FOXJ3: variants seen among roughly 807,000 people sequenced by gnomAD.
FOXJ3 encodes forkhead box J3, also known as forkhead box protein J3.
Under a neutral mutation model 76.1 loss-of-function variants are expected in FOXJ3, and 22 were observed. The observed-to-expected ratio is 0.29, with a 90% CI of 0.21 to 0.41. FOXJ3 has a LOEUF of 0.41. Ranked by LOEUF, FOXJ3 falls within the 10% of genes least tolerant of loss-of-function variation. FOXJ3 has a pLI of 1.00. For missense variants in FOXJ3, 613 were observed against 762.1 expected, an observed-to-expected ratio of 0.80 and a Z score of 2.30; for synonymous variants, 269 against 261.2, an observed-to-expected ratio of 1.03 and a Z score of -0.29.
intron 5 of FOXJ3, among the ~76,000 whole-genome samples, chr1:42,226,663 A>G (rs893114829): frequency 6.6e-6 from 1 of 152,224 alleles, no homozygotes; most frequent in Non-Finnish European, 1.5e-5. Context: ...CACCAATACT[A>G]AACTTTAACT....
intron 4 of FOXJ3, among the ~76,000 whole-genome samples, chr1:42,246,983 T>C (rs1649606261): frequency 6.6e-6 from 1 of 152,110 alleles, no homozygotes; most frequent in African/African-American, 2.4e-5. Context: ...GTTAATCTCA[T>C]GGAGGTAAAG....
At chr1:42,314,118 T>C (rs1161498980) in intron 1 of FOXJ3, among the ~76,000 whole-genome samples, 2 of 152,202 alleles carry the variant, frequency 1.3e-5, no homozygotes, top group Non-Finnish European at 2.9e-5. Context: ...TAATTTTTTT[T>C]CCAACTCTTA....
intron 4 of FOXJ3, among the ~76,000 whole-genome samples, chr1:42,250,051 G>A (rs1649894639): frequency 1.3e-5 from 2 of 152,152 alleles, no homozygotes; most frequent in Admixed American, 6.5e-5. Context: ...GCTGGAGCCT[G>A]GACTTGAAAA....
At chr1:42,259,432 G>GA (rs1041578557) in intron 4 of FOXJ3, among the ~76,000 whole-genome samples, 15 of 151,894 alleles carry the variant, frequency 9.9e-5, no homozygotes, top group Non-Finnish European at 1.8e-4. Context: ...ATCTGGAAAA[G>GA]AAAAAAGAGG....
chr1:42,232,871 T>C (rs1403365032), intron 4 of FOXJ3, among the ~76,000 whole-genome samples: 1 of 152,248 alleles, frequency 6.6e-6, no homozygotes, highest in Non-Finnish European at 1.5e-5. Flanking sequence ...CCTTTGCCCA[T>C]GCCAATGTCC....
At chr1:42,210,136 G>A (rs146056824) in intron 5 of FOXJ3, among the ~76,000 whole-genome samples, 15 of 152,148 alleles carry the variant, frequency 9.9e-5, no homozygotes, top group Non-Finnish European at 2.9e-5. Flanking sequence ...TGCTACACCC[G>A]ATGCCCCATG....
intron 2 of FOXJ3, among the ~76,000 whole-genome samples, chr1:42,291,079 T>TAGACAGAC (rs56772390): frequency 0.034 from 4,221 of 125,350 alleles, 82 homozygotes; most frequent in African/African-American, 0.042. Flanking sequence ...GATAGATAGA[T>TAGACAGAC]AGATAGACAG....
At chr1:42,261,936 A>G (rs762126759) in intron 4 of FOXJ3, among the ~76,000 whole-genome samples, 2 of 152,222 alleles carry the variant, frequency 1.3e-5, no homozygotes, top group Non-Finnish European at 2.9e-5. Flanking sequence ...AGGAAGACTG[A>G]TATCATGGAA....
At chr1:42,242,830 C>A (rs1485088712) in intron 4 of FOXJ3, among the ~76,000 whole-genome samples, 1 of 152,152 alleles carries the variant, frequency 6.6e-6, no homozygotes, top group African/African-American at 2.4e-5. Flanking sequence ...ATTTAGACAT[C>A]CAGATACAGG....
chr1:42,264,107 A>G (rs1428296007), intron 4 of FOXJ3, among the ~76,000 whole-genome samples: 1 of 152,080 alleles, frequency 6.6e-6, no homozygotes, highest in Non-Finnish European at 1.5e-5. Flanking sequence ...CAGCTGAAGT[A>G]TGGGGAAACA....
intron 7 of FOXJ3, 80 bp downstream of exon 7, chr1:42,199,022 A>G: frequency 8.6e-7 from 1 of 1,156,680 alleles, no homozygotes; most frequent in South Asian, 1.6e-5. Flanking sequence ...TCATTTTTAA[A>G]TTTGCATTTC....
intron 2 of FOXJ3, among the ~76,000 whole-genome samples, chr1:42,291,960 A>C (rs999049236): frequency 2.6e-5 from 4 of 152,154 alleles, no homozygotes; most frequent in African/African-American, 9.7e-5. Flanking sequence ...TGGGGCCAGG[A>C]GGACGGGAGC....
At position 42,177,463 on chromosome 1, in the gene FOXJ3, C is replaced by T. The variant is rs1343373787; in HGVS notation, c.*2247G>A. On this transcript the variant is annotated 3_prime_UTR_variant, in exon 13 of 13. Transcript: ENST00000361346. ...AGTTTCAAAACAGCTATTTTGGTGTCTAGAAAACAGTGACTTAAGCAAACC... is the reference window on the plus strand; with the variant it reads ...AGTTTCAAAACAGCTATTTTGGTGTTTAGAAAACAGTGACTTAAGCAAACC... 4 of 152,420 alleles carry T rather than the reference C, an allele frequency of 2.6e-5. No homozygotes were observed. The highest frequency in any genetic ancestry group is 9.7e-5 in the African/African-American group (4 of 41,404). The allele number at this position is 152,420 out of a possible 1,614,324, so 9.4% of individuals were successfully genotyped here. A position where few individuals can be genotyped will look rare whatever the true frequency, so the allele number is the denominator to read the frequency against.
rs1646269023 is a variant in FOXJ3 at position 42,179,133 on chromosome 1, T to C, written c.*577A>G. The C allele has an allele frequency of 6.6e-6, 1 of 152,596 alleles. No individual in the cohort carries two copies. Among genetic ancestry groups the C allele is most frequent in the South Asian group, 2.1e-4 (1 of 4,834 alleles). The allele number at this position is 152,596 out of a possible 1,614,324, so 9.5% of individuals were successfully genotyped here. A position where few individuals can be genotyped will look rare whatever the true frequency, so the allele number is the denominator to read the frequency against. ...GGAGTGTGTCAAATTCTGGTTTCCTTGACTTATTAGATAGAATTCATTACC... is the reference window on the plus strand; with the variant it reads ...GGAGTGTGTCAAATTCTGGTTTCCTCGACTTATTAGATAGAATTCATTACC... On this transcript the variant is annotated 3_prime_UTR_variant, in exon 13 of 13. Transcript: ENST00000361346.
intron 6 of FOXJ3, among the ~76,000 whole-genome samples, chr1:42,203,493 C>T (rs1557634250): frequency 6.6e-6 from 1 of 152,132 alleles, no homozygotes; most frequent in Non-Finnish European, 1.5e-5. Context: ...TTTGCTCTTA[C>T]TCTCAGAACA....
intron 4 of FOXJ3, among the ~76,000 whole-genome samples, chr1:42,230,576 A>G (rs1456416618): frequency 1.3e-5 from 2 of 152,230 alleles, no homozygotes; most frequent in Non-Finnish European, 2.9e-5. Flanking sequence ...CATGAAAACA[A>G]AACGTTGACT....
chr1:42,325,947 G>A (rs1055477763), intron 1 of FOXJ3, among the ~76,000 whole-genome samples: 1 of 152,150 alleles, frequency 6.6e-6, no homozygotes, highest in Admixed American at 6.6e-5. Flanking sequence ...AGCATCAAGT[G>A]TTTAAACTGC....
In FOXJ3 at chr1:42,252,601, GT is replaced by G. The variant is rs770005826; in HGVS notation, c.444+12513del. On this transcript the variant is annotated intron_variant, in intron 4 of 12. Coordinates refer to ENST00000361346, the MANE Select transcript of FOXJ3 (RefSeq NM_014947.5). ...CCTGGATTCATTAATTTTTTGAAGG[GT>G]TTTTTTTTTTTGTCTCTATTTCCTT... Among the ~76,000 whole-genome samples the G allele has an allele frequency of 1.8e-3, 250 of 140,924 alleles. 1 individual carries two copies. Among genetic ancestry groups the G allele is most frequent in the Admixed American group, 7.7e-3 (109 of 14,214 alleles). The allele number at this position is 140,924 out of a possible 152,430, so 92.5% of individuals were successfully genotyped here. A position where few individuals can be genotyped will look rare whatever the true frequency, so the allele number is the denominator to read the frequency against.
At position 42,195,066 on chromosome 1, in the gene FOXJ3, T is replaced by A; in HGVS notation, c.760-2A>T. 2 of 1,591,674 alleles carry A rather than the reference T, an allele frequency of 1.3e-6. No individual in the cohort carries two copies. Among genetic ancestry groups the A allele is most frequent in the Non-Finnish European group, 1.7e-6 (2 of 1,172,524 alleles). On this transcript the variant is annotated splice_acceptor_variant, in intron 7 of 12. Coordinates refer to ENST00000361346, the MANE Select transcript of FOXJ3 (RefSeq NM_014947.5). LOFTEE classifies it high-confidence loss of function. ...GACTGATTCTGGATGGCTTGTCACC[T>A]AACATTAAAAGAAAACACAACTAAT...
Sources: allele counts gnomAD v4.1 joint callset (sites outside exome capture counted in the v4.1 genomes callset), GRCh38; gene constraint gnomAD v4.1.1; transcripts MANE v1.5; gene names NCBI Gene and HGNC (gene_info 2026-07-23, HGNC 2026-07-21).